STRIP2: variants seen among roughly 807,000 people sequenced by gnomAD.
STRIP2 encodes striatin-interacting protein 2.
In STRIP2, 84 loss-of-function variants were observed where a neutral mutation model predicts 107.1. The ratio of observed to expected loss-of-function variants is 0.78; its 90% CI spans 0.66 to 0.94. The LOEUF is 0.94. Among genes scored for constraint, STRIP2 ranks in the 40% least tolerant of loss-of-function variants. The pLI, the probability that STRIP2 is intolerant of heterozygous loss-of-function variation, is 0.00. For synonymous variants in STRIP2, 394 were observed against 400.4 expected (o/e 0.98, Z 0.19); for missense variants, 888 against 1,034.2 (o/e 0.86, Z 1.94).
At chr7:129,454,372 G>A in intron 6 of STRIP2, 49 bp from the exon 7 acceptor site, 1 of 1,527,780 alleles carries the variant, frequency 6.5e-7, no homozygotes, top group Non-Finnish European at 9.1e-7. Context: ...CTGTGACTAT[G>A]GGCTGGGAAT....
At chr7:129,456,884 T>C (rs147988475) in intron 9 of STRIP2, among the ~76,000 whole-genome samples, 1 of 152,266 alleles carries the variant, frequency 6.6e-6, no homozygotes, top group African/African-American at 2.4e-5. Flanking sequence ...CATGTCTTGC[T>C]ACAGAATCAT....
At chr7:129,438,890 C>T (rs1420805426) in intron 1 of STRIP2, among the ~76,000 whole-genome samples, 1 of 152,130 alleles carries the variant, frequency 6.6e-6, no homozygotes, top group Non-Finnish European at 1.5e-5. Flanking sequence ...ATGCGAAGGA[C>T]GAAGTATGGG....
intron 16 of STRIP2, 115 bp downstream of exon 16, chr7:129,464,853 T>C: frequency 7.1e-7 from 1 of 1,401,876 alleles, no homozygotes; most frequent in Non-Finnish European, 9.9e-7. Context: ...GCCTTTTCTT[T>C]GTCCTCTCTC....
chr7:129,451,508 A>G (rs1353074328), intron 3 of STRIP2, 105 bp from the exon 4 acceptor site: 1 of 1,405,960 alleles, frequency 7.1e-7, no homozygotes, highest in East Asian at 2.3e-5. Context: ...TGGAGAAAAT[A>G]ATTTTGGCAG....
Position 129,470,702 on chromosome 7 carries a change from C to T in STRIP2, c.1931C>T (p.Thr644Ile), listed in dbSNP as rs1039598549. Residue 644 changes from threonine to isoleucine, a missense_variant, in exon 18 of 21, where the codon ACT becomes ATT. Physicochemically the swap from Thr to Ile is moderately conservative, Grantham distance 89. Coordinates refer to ENST00000249344, the MANE Select transcript of STRIP2 (RefSeq NM_020704.3). ...ACCATCCAGGATTTGCCGGAGCTTACTACTGAAAGTCTGGTAAGCAGATGG... is the reference window on the plus strand; with the variant it reads ...ACCATCCAGGATTTGCCGGAGCTTATTACTGAAAGTCTGGTAAGCAGATGG... ...CCTIQDLPEL[T>I]TESLEAGDNS... The T allele has an allele frequency of 6.2e-7, 1 of 1,613,952 alleles. No homozygotes were observed. The highest frequency in any genetic ancestry group is 1.3e-5 in the African/African-American group (1 of 75,050).
At position 129,458,712 on chromosome 7, in the gene STRIP2, A is replaced by G. The variant is rs774478393; in HGVS notation, c.1275A>G (p.Arg425=). 6.2e-7 allele frequency: 1 copy of G among 1,614,134 alleles called. No homozygotes were observed. The highest frequency in any genetic ancestry group is 1.1e-5 in the South Asian group (1 of 91,076). The change falls in exon 11 of 21, where the codon AGA becomes AGG. Residue 425 remains arginine, a splice_region_variant and synonymous_variant. Transcript: ENST00000249344. The surrounding 1 kb of genome is among the most constrained non-coding windows in gnomAD (Gnocchi z 4.6). The stretch of plus-strand genomic sequence containing the variant: ...ATTGGTCTTTCCACCATCCTCTCAG[A>G]CAGAAGGACATTGAGCACTTCTTGG... ...PKGLPWAPKV[R]QKDIEHFLEM... is the part of the protein sequence containing the mutation.
In STRIP2 at chr7:129,459,585, C is replaced by G; in HGVS notation, c.1404+5C>G. On this transcript the variant is annotated splice_donor_5th_base_variant and intron_variant, in intron 12 of 20. Coordinates refer to ENST00000249344, the MANE Select transcript of STRIP2 (RefSeq NM_020704.3). ...AGTGTGAAGACCCTAAAGCAGGTGA[C>G]TGGGGTGGGCTCTCAGTCTTCAGGG... The G allele has an allele frequency of 6.2e-7, 1 of 1,613,204 alleles. No homozygotes were observed. The highest frequency in any genetic ancestry group is 8.5e-7 in the Non-Finnish European group (1 of 1,179,226).
chr7:129,480,610 G>A (rs1799091609), intron 18 of STRIP2, among the ~76,000 whole-genome samples, 175 bp from the exon 19 acceptor site: 1 of 152,196 alleles, frequency 6.6e-6, no homozygotes, highest in South Asian at 2.1e-4. Context: ...GGCAGCTGAG[G>A]GGGTTTTTAA....
Position 129,455,271 on chromosome 7 carries a change from T to C in STRIP2, c.734T>C (p.Phe245Ser). Residue 245 changes from phenylalanine to serine, a missense_variant, in exon 8 of 21, where the codon TTT (phenylalanine) becomes TCT (serine). Coordinates refer to ENST00000249344, the MANE Select transcript of STRIP2 (RefSeq NM_020704.3). Reference sequence around the variant, plus strand: ...TTCTCCATGCATAATGAGGAGCCTTTTGCCCTTTTACTCTTCTCCATGGTT... The same window carrying C: ...TTCTCCATGCATAATGAGGAGCCTTCTGCCCTTTTACTCTTCTCCATGGTT... ...LSFSMHNEEP[F>S]ALLLFSMVTK... The C allele has an allele frequency of 6.2e-7, 1 of 1,613,858 alleles. No homozygotes were observed. Among genetic ancestry groups the C allele is most frequent in the Non-Finnish European group, 8.5e-7 (1 of 1,179,882 alleles).
Position 129,470,707 on chromosome 7 carries a change from G to A in STRIP2, c.1936G>A (p.Glu646Lys), listed in dbSNP as rs370580251. Residue 646 changes from glutamate to lysine, a missense_variant, in exon 18 of 21, where the codon GAA becomes AAA. Physicochemically the swap from Glu to Lys is moderately conservative, Grantham distance 56. Transcript: ENST00000249344. ...CCAGGATTTGCCGGAGCTTACTACT[G>A]AAAGTCTGGTAAGCAGATGGGGATT... Reference protein sequence around the residue: ...TIQDLPELTTESLEAGDNSQF... With the variant: ...TIQDLPELTTKSLEAGDNSQF... 6.8e-6 allele frequency: 11 copies of A among 1,613,640 alleles called. No individual in the cohort carries two copies. The highest frequency in any genetic ancestry group is 9.3e-6 in the Non-Finnish European group (11 of 1,179,666).
chr7:129,479,205 C>G lies in STRIP2; in HGVS notation c.1945-1580C>G, dbSNP rs191938008. On this transcript the variant is annotated intron_variant, in intron 18 of 20. Transcript: ENST00000249344. ...AGGAGAATTGCTTGAACCTGGGAGG[C>G]AGAGGTTGCAGTGAGCCAAGATCAC... 4.8e-3 allele frequency among the ~76,000 whole-genome samples: 722 copies of G among 150,422 alleles called. 5 individuals are homozygous for G. Among genetic ancestry groups the G allele is most frequent in the African/African-American group, 0.016 (672 of 40,906 alleles).
rs776136843 is a variant in STRIP2 at position 129,454,513 on chromosome 7, T to TC, written c.694dup (p.Arg232ProfsTer3). On this transcript the variant is annotated frameshift_variant, in exon 7 of 21. Transcript: ENST00000249344. LOFTEE classifies it high-confidence loss of function. ...GGGTGGAGAACAGCCCGGGAGACCT[T>TC]CCGCACTGAATTAAGTAAGAAATGG... 1.9e-5 allele frequency: 30 copies of TC among 1,612,546 alleles called. No homozygotes were observed. Among genetic ancestry groups the TC allele is most frequent in the Non-Finnish European group, 2.4e-5 (28 of 1,178,650 alleles).
At chr7:129,480,575 G>A (rs1233793735) in intron 18 of STRIP2, among the ~76,000 whole-genome samples, 1 of 152,164 alleles carries the variant, frequency 6.6e-6, no homozygotes, top group African/African-American at 2.4e-5. Context: ...ACCAACACAT[G>A]CTGTAGGTAG....
In STRIP2 at chr7:129,434,611, C is replaced by A. The variant is rs1261474931; in HGVS notation, c.129+10C>A. 1 of 1,478,268 alleles carries A rather than the reference C, an allele frequency of 6.8e-7. No homozygotes were observed. Among genetic ancestry groups the A allele is most frequent in the South Asian group, 1.3e-5 (1 of 79,410 alleles). The allele number at this position is 1,478,268 out of a possible 1,614,324, so 91.6% of individuals were successfully genotyped here. A position where few individuals can be genotyped will look rare whatever the true frequency, so the allele number is the denominator to read the frequency against. On this transcript the variant is annotated intron_variant, in intron 1 of 20. Coordinates refer to ENST00000249344, the MANE Select transcript of STRIP2 (RefSeq NM_020704.3). ...GCGGCGGGAGTCAGAGGTGAGGAGC[C>A]CGGAAAGCTTCGGCTGGGGCCCGGA...
chr7:129,447,238 G>A (rs1216922445), intron 3 of STRIP2, among the ~76,000 whole-genome samples: 1 of 152,160 alleles, frequency 6.6e-6, no homozygotes, highest in East Asian at 1.9e-4. Context: ...AAATGGGCAG[G>A]AATAACACAC....
chr7:129,443,514 C>A (rs540151661), intron 2 of STRIP2, among the ~76,000 whole-genome samples: 2 of 152,134 alleles, frequency 1.3e-5, no homozygotes, highest in Non-Finnish European at 2.9e-5. Context: ...AACTTCTATA[C>A]CCTTTGAGGA....
intron 18 of STRIP2, among the ~76,000 whole-genome samples, chr7:129,475,401 G>T (rs1265451934): frequency 6.6e-6 from 1 of 151,378 alleles, no homozygotes; most frequent in Non-Finnish European, 1.5e-5. Context: ...GGGGGATTTG[G>T]CAGGGTCACA....
intron 18 of STRIP2, among the ~76,000 whole-genome samples, chr7:129,475,533 G>A (rs1416335646): frequency 4.5e-5 from 6 of 132,074 alleles, no homozygotes; most frequent in Non-Finnish European, 1.6e-5. Flanking sequence ...ATTAGGGAGT[G>A]GTGATGACTC....
chr7:129,468,697 CA>C lies in STRIP2; in HGVS notation c.1877+1249del, dbSNP rs777407804. Among the ~76,000 whole-genome samples, 113 of 152,302 alleles carry C rather than the reference CA, an allele frequency of 7.4e-4. 1 individual carries two copies. The highest frequency in any genetic ancestry group is 3.4e-3 in the Middle Eastern group (1 of 294). On this transcript the variant is annotated intron_variant, in intron 17 of 20. Transcript: ENST00000249344. ...TACAGGTCAGGCTGTGTCAGGGCCA[CA>C]ACTGCATGCAGGCACCTCTGTGTAT... is the stretch of plus-strand genomic sequence containing the variant.
Sources: allele counts gnomAD v4.1 joint callset (sites outside exome capture counted in the v4.1 genomes callset), GRCh38; gene constraint gnomAD v4.1.1; non-coding constraint Gnocchi (gnomAD v3.1); transcripts MANE v1.5; gene names NCBI Gene and HGNC (gene_info 2026-07-23, HGNC 2026-07-21).